RB1: variants seen among roughly 807,000 people sequenced by gnomAD.
RB1 encodes the protein retinoblastoma-associated protein.
In RB1, 18 loss-of-function variants were observed where a neutral mutation model predicts 135.4. That is an observed-to-expected ratio of 0.13 (90% CI 0.09 to 0.20). RB1 has a LOEUF of 0.20. Among genes scored for constraint, RB1 ranks in the 10% least tolerant of loss-of-function variants. The pLI, the probability that RB1 is intolerant of heterozygous loss-of-function variation, is 1.00. For missense variants in RB1, 868 were observed against 1,110.0 expected, an observed-to-expected ratio of 0.78 and a Z score of 3.10; for synonymous variants, 365 against 373.2, an observed-to-expected ratio of 0.98 and a Z score of 0.25.
chr13:48,466,521 A>G (rs1014379366), intron 23 of RB1, among the ~76,000 whole-genome samples: 14 of 152,020 alleles, frequency 9.2e-5, no homozygotes, highest in South Asian at 6.2e-4. Flanking sequence ...CCAAAGGAAC[A>G]CAGTTCCTCA....
chr13:48,478,302 AT>A (rs1193479568), intron 26 of RB1, among the ~76,000 whole-genome samples: 2 of 152,140 alleles, frequency 1.3e-5, no homozygotes, highest in Non-Finnish European at 2.9e-5. Flanking sequence ...TTTTCTATGT[AT>A]TTTTTTAAAG....
chr13:48,391,481 G>A (rs938849530), intron 17 of RB1: 5 of 151,852 alleles, frequency 3.3e-5, no homozygotes, highest in African/African-American at 4.8e-5. Flanking sequence ...TTGGCCAGGG[G>A]CAGTGGCTCA....
chr13:48,457,167 G>A (rs1949365662), intron 19 of RB1, among the ~76,000 whole-genome samples: 1 of 152,178 alleles, frequency 6.6e-6, no homozygotes, highest in African/African-American at 2.4e-5. Flanking sequence ...ACAGCTTAGA[G>A]AAGACCCATA....
At chr13:48,397,718 G>A (rs1192042353) in intron 17 of RB1, among the ~76,000 whole-genome samples, 1 of 152,220 alleles carries the variant, frequency 6.6e-6, no homozygotes, top group East Asian at 1.9e-4. Context: ...TTTTATGTAT[G>A]AGTATAATTT....
intron 1 of RB1, among the ~76,000 whole-genome samples, chr13:48,306,241 A>T (rs1008920084): frequency 9.9e-5 from 15 of 152,164 alleles, no homozygotes; most frequent in African/African-American, 3.6e-4. Context: ...CCTGTCTCTA[A>T]AACAAATTTT....
intron 17 of RB1, among the ~76,000 whole-genome samples, chr13:48,441,404 C>T (rs1026307973): frequency 2.0e-5 from 3 of 152,254 alleles, no homozygotes; most frequent in South Asian, 4.1e-4. Flanking sequence ...GAATGACCAA[C>T]GGGTTTCCAA....
chr13:48,322,188 C>T (rs1593423638), intron 2 of RB1, among the ~76,000 whole-genome samples: 1 of 152,324 alleles, frequency 6.6e-6, no homozygotes, highest in South Asian at 2.1e-4. Flanking sequence ...TTTCACTTAG[C>T]ATAATGGCCT....
chr13:48,384,770 T>C (rs2138150077), intron 17 of RB1, among the ~76,000 whole-genome samples: 1 of 152,314 alleles, frequency 6.6e-6, no homozygotes. Flanking sequence ...TTCAGCATTT[T>C]TGCTTGACAG....
chr13:48,315,047 T>G (rs1952169454), intron 2 of RB1, among the ~76,000 whole-genome samples: 1 of 152,216 alleles, frequency 6.6e-6, no homozygotes, highest in Admixed American at 6.5e-5. Context: ...AAATAGATTT[T>G]TTTTTTCTTT....
At chr13:48,318,311 G>C in intron 2 of RB1, 1 of 1,255,226 alleles carries the variant, frequency 8.0e-7, no homozygotes. Context: ...AGTGCATCTG[G>C]GCAGTGCTGA....
At chr13:48,438,732 T>C (rs1949207710) in intron 17 of RB1, among the ~76,000 whole-genome samples, 2 of 152,206 alleles carry the variant, frequency 1.3e-5, no homozygotes, top group Non-Finnish European at 2.9e-5. Flanking sequence ...TTACCTTCTT[T>C]CTAGAGTTTG....
intron 17 of RB1, chr13:48,423,849 C>A (rs1453207854): frequency 6.6e-6 from 1 of 152,204 alleles, no homozygotes; most frequent in Non-Finnish European, 1.5e-5. Flanking sequence ...GAGTTTGGGG[C>A]TTCATTGCTC....
chr13:48,318,442 CTT>C, intron 2 of RB1: 1 of 1,443,532 alleles, frequency 6.9e-7, no homozygotes, highest in Non-Finnish European at 9.6e-7. Flanking sequence ...CTGCTCTTGT[CTT>C]CGGAGCTCTC....
intron 17 of RB1, chr13:48,411,485 G>A: frequency 6.2e-7 from 1 of 1,612,728 alleles, no homozygotes; most frequent in South Asian, 1.1e-5. Flanking sequence ...AGAATCTGAA[G>A]TCACTTCTCC....
At chr13:48,442,007 C>T (rs1433006129) in intron 17 of RB1, among the ~76,000 whole-genome samples, 3 of 152,130 alleles carry the variant, frequency 2.0e-5, no homozygotes, top group East Asian at 1.9e-4. Context: ...CTTTTAAACT[C>T]GAATTCACCC....
At chr13:48,315,994 C>G (rs975302026) in intron 2 of RB1, among the ~76,000 whole-genome samples, 1 of 152,168 alleles carries the variant, frequency 6.6e-6, no homozygotes, top group South Asian at 2.1e-4. Flanking sequence ...TTCACTGCAT[C>G]CTCGCCAACA....
In RB1 at chr13:48,380,038, A is replaced by C; in HGVS notation, c.1390-15A>C. ...TAAACAACTTCTTTTTTTTTTTTTA[A>C]ATTATCTGTTTCAGGAAGAAGAACG... On this transcript the variant is annotated splice_polypyrimidine_tract_variant and intron_variant, in intron 14 of 26. Coordinates refer to ENST00000267163, the MANE Select transcript of RB1 (RefSeq NM_000321.3). 7.7e-7 allele frequency: 1 copy of C among 1,293,126 alleles called. No individual in the cohort carries two copies. The highest frequency in any genetic ancestry group is 1.5e-5 in the South Asian group (1 of 67,788). 80.1% of individuals were successfully genotyped at this position (1,293,126 alleles called of 1,614,324 possible).
chr13:48,343,581 C>T (rs1424889030), intron 3 of RB1, among the ~76,000 whole-genome samples: 1 of 152,150 alleles, frequency 6.6e-6, no homozygotes, highest in Admixed American at 6.5e-5. Flanking sequence ...GCACTCACTG[C>T]TTCTCTCCCT....
chr13:48,318,553 C>T (rs1160032467), intron 2 of RB1: 2 of 737,796 alleles, frequency 2.7e-6, no homozygotes, highest in African/African-American at 1.8e-5. Flanking sequence ...CCCGGGACCT[C>T]GCTGGCTTTG....
Sources: gnomAD v4.1 joint callset for allele counts (sites outside exome capture counted in the v4.1 genomes callset) on GRCh38, gnomAD v4.1.1 for gene constraint, MANE v1.5 for transcripts, NCBI Gene and HGNC (gene_info 2026-07-23, HGNC 2026-07-21) for gene names.